DDX21: variants seen among roughly 807,000 people sequenced by gnomAD.
The protein encoded by DDX21 is DExD-box helicase 21.
A neutral mutation model predicts 90.0 loss-of-function variants in DDX21; 18 were observed. That is an observed-to-expected ratio of 0.20 (90% CI 0.14 to 0.30). The LOEUF (loss-of-function observed/expected upper bound fraction) is 0.30, where lower values mean the gene tolerates loss of function less well. DDX21 is among the 10% of genes least tolerant of loss of function. DDX21 has a pLI of 1.00. For missense variants in DDX21, 673 were observed against 944.5 expected, an observed-to-expected ratio of 0.71 and a Z score of 3.77; for synonymous variants, 294 against 318.0, an observed-to-expected ratio of 0.92 and a Z score of 0.80.
rs766516834 is a variant in DDX21 at position 68,973,681 on chromosome 10, C to A, written c.1668+17C>A. On this transcript the variant is annotated intron_variant, in intron 10 of 14. Coordinates refer to ENST00000354185, the MANE Select transcript of DDX21 (RefSeq NM_004728.4). The stretch of plus-strand genomic sequence containing the variant: ...CAAAAAGCGGTAAAACTATTCTTAC[C>A]TTTCATTAAGCAAATGTTGAGTTCT... 1 of 1,606,346 alleles carries A rather than the reference C, an allele frequency of 6.2e-7. No individual in the cohort carries two copies. Among genetic ancestry groups the A allele is most frequent in the South Asian group, 1.1e-5 (1 of 89,786 alleles).
At chr10:68,981,492 T>A in intron 13 of DDX21, 45 bp from the exon 14 acceptor site, 1 of 1,570,718 alleles carries the variant, frequency 6.4e-7, no homozygotes, top group Non-Finnish European at 8.7e-7. Flanking sequence ...GGAGTATTTT[T>A]CATGTGCGTT....
chr10:68,962,251 T>G (rs1842881351), intron 3 of DDX21, 94 bp downstream of exon 3: 6 of 913,152 alleles, frequency 6.6e-6, no homozygotes, highest in Non-Finnish European at 5.2e-6. Context: ...GATGTATTCT[T>G]ATTGTAGGCT....
At position 68,974,654 on chromosome 10, in the gene DDX21, G is replaced by A. The variant is rs748560253; in HGVS notation, c.1669-16G>A. On this transcript the variant is annotated splice_polypyrimidine_tract_variant and intron_variant, in intron 10 of 14. Coordinates refer to ENST00000354185, the MANE Select transcript of DDX21 (RefSeq NM_004728.4). ...GATGGCCACTGTACATTAAACTGTG[G>A]TTCATTTTCCTGTAGGGAATTAAGT... 6.2e-7 allele frequency: 1 copy of A among 1,612,032 alleles called. No homozygotes were observed. Among genetic ancestry groups the A allele is most frequent in the South Asian group, 1.1e-5 (1 of 90,986 alleles).
At chr10:68,965,751 A>G (rs1037556688) in intron 5 of DDX21, among the ~76,000 whole-genome samples, 1 of 152,170 alleles carries the variant, frequency 6.6e-6, no homozygotes, top group Middle Eastern at 3.2e-3. Context: ...GAACCCAAAA[A>G]GACAGTCCAT....
intron 14 of DDX21, 31 bp downstream of exon 14, chr10:68,981,612 C>G: frequency 1.3e-6 from 2 of 1,523,726 alleles, no homozygotes. Flanking sequence ...TTAAAGTTAA[C>G]ATACCTAAAT....
intron 5 of DDX21, among the ~76,000 whole-genome samples, chr10:68,966,737 G>A (rs767891468): frequency 6.6e-6 from 1 of 152,050 alleles, no homozygotes; most frequent in Non-Finnish European, 1.5e-5. Context: ...CACCACGCCC[G>A]GCTGCATATT....
intron 2 of DDX21, among the ~76,000 whole-genome samples, chr10:68,960,628 AT>A (rs372864282): frequency 6.6e-6 from 1 of 151,922 alleles, no homozygotes; most frequent in African/African-American, 2.4e-5. Flanking sequence ...CGCCTGGCTA[AT>A]TTTTTGTATT....
chr10:68,956,706 C>T, intron 1 of DDX21: 1 of 1,036,944 alleles, frequency 9.6e-7, no homozygotes, highest in Non-Finnish European at 1.2e-6. Context: ...AGACAGAACT[C>T]CCGGCATGAG....
Sources: gnomAD v4.1 joint callset for allele counts (sites outside exome capture counted in the v4.1 genomes callset) on GRCh38, gnomAD v4.1.1 for gene constraint, MANE v1.5 for transcripts, NCBI Gene and HGNC (gene_info 2026-07-23, HGNC 2026-07-21) for gene names.